KAT2A: variants seen among roughly 807,000 people sequenced by gnomAD.
KAT2A encodes the protein lysine acetyltransferase 2A, also known as histone acetyltransferase KAT2A.
Under a neutral mutation model 95.2 loss-of-function variants are expected in KAT2A, and 42 were observed. The observed-to-expected ratio is 0.44, with a 90% CI of 0.34 to 0.57. The LOEUF (loss-of-function observed/expected upper bound fraction) is 0.57, where lower values mean the gene tolerates loss of function less well. KAT2A is among the 20% of genes least tolerant of loss of function. The pLI, the probability that KAT2A is intolerant of heterozygous loss-of-function variation, is 0.01. For missense variants in KAT2A, 784 were observed against 1,126.3 expected (o/e 0.70, Z 4.35); for synonymous variants, 449 against 448.2 (o/e 1.00, Z -0.02).
Position 42,119,198 on chromosome 17 carries a change from G to A in KAT2A, c.1073+47C>T. The stretch of plus-strand genomic sequence containing the variant: ...CCTGGAAAAAAGGGGACAACAGGGA[G>A]GATGTGAACTTGGGGCCAAATCCTG... On this transcript the variant is annotated intron_variant, in intron 6 of 17. Transcript: ENST00000225916. This position sits in a 1 kb window ranked among gnomAD's most constrained non-coding sequence, Gnocchi z 5.3. 2 of 1,559,860 alleles carry A rather than the reference G, an allele frequency of 1.3e-6. No individual in the cohort carries two copies. The highest frequency in any genetic ancestry group is 1.7e-6 in the Non-Finnish European group (2 of 1,149,158).
Position 42,113,542 on chromosome 17 carries a change from A to T in KAT2A, c.*107T>A. 9.3e-7 allele frequency: 1 copy of T among 1,071,672 alleles called. No individual in the cohort carries two copies. The highest frequency in any genetic ancestry group is 1.3e-6 in the Non-Finnish European group (1 of 741,236). 66.4% of individuals were successfully genotyped at this position (1,071,672 alleles called of 1,614,324 possible). ...TCGGGTCCGGAGGACCCTTGGCTGG[A>T]GTGTCTCAAGCTGAGTCGGGTCCGT... On this transcript the variant is annotated 3_prime_UTR_variant, in exon 18 of 18. Transcript: ENST00000225916.
Position 42,121,335 on chromosome 17 carries a change from G to C in KAT2A, c.-31C>G. The stretch of plus-strand genomic sequence containing the variant: ...CCCCCGCAGCGGAGAGCGGCGCCGC[G>C]CTCCCAGCCCTAGGGCCGCATGGGC... On this transcript the variant is annotated 5_prime_UTR_variant, in exon 1 of 18. Transcript: ENST00000225916. The C allele has an allele frequency of 5.1e-6, 7 of 1,364,792 alleles. No individual in the cohort carries two copies. The highest frequency in any genetic ancestry group is 6.6e-6 in the Non-Finnish European group (7 of 1,066,226). The allele number at this position is 1,364,792 out of a possible 1,614,324, so 84.5% of individuals were successfully genotyped here.
chr17:42,113,629 G>C lies in KAT2A; in HGVS notation c.*20C>G, dbSNP rs1555665105. On this transcript the variant is annotated 3_prime_UTR_variant, in exon 18 of 18. Coordinates refer to ENST00000225916, the MANE Select transcript of KAT2A (RefSeq NM_021078.3). ...CGAGGTGGAGACATTCCAGGTCAGG[G>C]CTGCGGCCCAAAGATGGGCCTACTT... 85 of 1,598,812 alleles carry C rather than the reference G, an allele frequency of 5.3e-5. No homozygotes were observed. Among genetic ancestry groups the C allele is most frequent in the Non-Finnish European group, 7.1e-5 (84 of 1,175,098 alleles).
rs1555666409 is a variant in KAT2A, at chr17:42,117,961, C to G, written c.1237G>C (p.Gly413Arg). 1.2e-6 allele frequency: 2 copies of G among 1,608,734 alleles called. No individual in the cohort carries two copies. The highest frequency in any genetic ancestry group is 1.7e-6 in the Non-Finnish European group (2 of 1,176,434). Reference protein sequence around the residue: ...STPIFSPSMGGGSNSSLSLDS... With the variant: ...STPIFSPSMGRGSNSSLSLDS... The stretch of plus-strand genomic sequence containing the variant: ...AGACTCAGGGAGCTGTTGCTGCCCC[C>G]ACCCATGCTGGGGCTGAAGATGGGG... Residue 413 changes from glycine (G) to arginine (R), a missense_variant, in exon 8 of 18, where the codon GGG becomes CGG. Around this residue, in one of 6 missense-constraint regions of KAT2A, gnomAD observed 63 missense variants for 70.1 expected, o/e 0.90. Transcript: ENST00000225916. This position sits in a 1 kb window ranked among gnomAD's most constrained non-coding sequence, Gnocchi z 8.9.
intron 7 of KAT2A, 25 bp downstream of exon 7, chr17:42,118,272 C>T (rs1749348406): frequency 6.5e-7 from 1 of 1,541,092 alleles, no homozygotes. Context: ...GCCAGACACC[C>T]TACAGAGCGT....
rs782063917 is a variant in KAT2A at position 42,117,527 on chromosome 17, C to T, written c.1498G>A (p.Glu500Lys). ...ARLEERRGIIEFHVIGNSLTP... is the reference protein window; with the variant it reads ...ARLEERRGIIKFHVIGNSLTP... ...AGTGAGTTGCCGATGACATGGAACT[C>T]GATGATGCCGCGGCGCTCCTCCAGG... Residue 500 changes from glutamate to lysine, a missense_variant, in exon 10 of 18, where the codon GAG (glutamate) becomes AAG (lysine). Physicochemically the swap from Glu to Lys is moderately conservative, Grantham distance 56. Coordinates refer to ENST00000225916, the MANE Select transcript of KAT2A (RefSeq NM_021078.3). The surrounding 1 kb of genome is among the most constrained non-coding windows in gnomAD (Gnocchi z 8.9). 3.1e-6 allele frequency: 5 copies of T among 1,613,412 alleles called. No homozygotes were observed. Among genetic ancestry groups the T allele is most frequent in the South Asian group, 2.2e-5 (2 of 91,086 alleles).
chr17:42,114,623 TGA>T lies in KAT2A; in HGVS notation c.2020-21_2020-20del. 1 of 1,601,928 alleles carries T rather than the reference TGA, an allele frequency of 6.2e-7. No homozygotes were observed. Among genetic ancestry groups the T allele is most frequent in the Non-Finnish European group, 8.5e-7 (1 of 1,171,280 alleles). On this transcript the variant is annotated intron_variant, in intron 13 of 17. Transcript: ENST00000225916. This position sits in a 1 kb window ranked among gnomAD's most constrained non-coding sequence, Gnocchi z 6.0. The stretch of plus-strand genomic sequence containing the variant: ...TGATGATCTGAGGGAAGGAAGGGAC[TGA>T]GGGGCCAACTCCAGCCCCAACAACA...
At position 42,117,644 on chromosome 17, in the gene KAT2A, G is replaced by T; in HGVS notation, c.1428+34C>A. 1 of 1,605,882 alleles carries T rather than the reference G, an allele frequency of 6.2e-7. No homozygotes were observed. The highest frequency in any genetic ancestry group is 8.5e-7 in the Non-Finnish European group (1 of 1,174,778). On this transcript the variant is annotated intron_variant, in intron 9 of 17. Coordinates refer to ENST00000225916, the MANE Select transcript of KAT2A (RefSeq NM_021078.3). The surrounding 1 kb of genome is among the most constrained non-coding windows in gnomAD (Gnocchi z 8.9). ...GAGCCGGGGTCTCAGGTTGGTGGGG[G>T]TCCCCCAACTGGTCAGCAGGTCGGG... is the stretch of plus-strand genomic sequence containing the variant.
In KAT2A at chr17:42,116,959, C is replaced by T. The variant is rs2054267317; in HGVS notation, c.1764+76G>A. The T allele has an allele frequency of 4.5e-6, 7 of 1,562,196 alleles. No homozygotes were observed. In the East Asian group the frequency reaches 1.6e-4, roughly 35 times the overall value. ...GAGCAACGGGCTGCTGCATGCCACA[C>T]ATCCTGCTGCTCCGAACTGGCCCAA... On this transcript the variant is annotated intron_variant, in intron 11 of 17. Transcript: ENST00000225916.
chr17:42,118,447 G>C, intron 6 of KAT2A, 44 bp from the exon 7 acceptor site: 6 of 1,382,044 alleles, frequency 4.3e-6, no homozygotes, highest in Non-Finnish European at 5.2e-6. Flanking sequence ...GTTCTCCAGG[G>C]TGCAGCCTGG....
chr17:42,114,415 G>A lies in KAT2A; in HGVS notation c.2135-21C>T, dbSNP rs1555665521. 1.5e-5 allele frequency: 24 copies of A among 1,613,962 alleles called. No individual in the cohort carries two copies. Among genetic ancestry groups the A allele is most frequent in the Non-Finnish European group, 1.9e-5 (23 of 1,179,906 alleles). The stretch of plus-strand genomic sequence containing the variant: ...CTCTCCTGCAAAGTGGGAAGTGGGA[G>A]AATGTCTCTAAGAATGCCAGTCCAC... On this transcript the variant is annotated intron_variant, in intron 14 of 17. Coordinates refer to ENST00000225916, the MANE Select transcript of KAT2A (RefSeq NM_021078.3). The surrounding 1 kb of genome is among the most constrained non-coding windows in gnomAD (Gnocchi z 6.0).
chr17:42,113,896 G>A (rs2054209408), intron 17 of KAT2A, 54 bp from the exon 18 acceptor site: 3 of 1,505,652 alleles, frequency 2.0e-6, no homozygotes, highest in East Asian at 2.4e-5. Context: ...CCACGGCAGG[G>A]CTGTCCACCA....
In KAT2A at chr17:42,119,868, C is replaced by T. The variant is rs890267628; in HGVS notation, c.700-150G>A. 48 of 966,224 alleles carry T rather than the reference C, an allele frequency of 5.0e-5. No individual in the cohort carries two copies. The highest frequency in any genetic ancestry group is 9.9e-5 in the Admixed American group (4 of 40,218). 59.9% of individuals were successfully genotyped at this position (966,224 alleles called of 1,614,324 possible). On this transcript the variant is annotated intron_variant, in intron 4 of 17. Coordinates refer to ENST00000225916, the MANE Select transcript of KAT2A (RefSeq NM_021078.3). This position sits in a 1 kb window ranked among gnomAD's most constrained non-coding sequence, Gnocchi z 5.3. ...TGCTCTCTATAGAAAAGCTCTGCCC[C>T]CTCCCTACCACCATGCCCACCCTGA...
Position 42,121,359 on chromosome 17 carries a change from G to A in KAT2A, c.-55C>T. On this transcript the variant is annotated 5_prime_UTR_variant, in exon 1 of 18. Transcript: ENST00000225916. Reference sequence around the variant, plus strand: ...CGCTCCCAGCCCTAGGGCCGCATGGGCAACCAGCGCTCAGTGCGCAGGCGT... The same window carrying A: ...CGCTCCCAGCCCTAGGGCCGCATGGACAACCAGCGCTCAGTGCGCAGGCGT... The A allele has an allele frequency of 2.2e-6, 3 of 1,347,050 alleles. No homozygotes were observed. The highest frequency in any genetic ancestry group is 1.5e-5 in the African/African-American group (1 of 65,340). 83.4% of individuals were successfully genotyped at this position (1,347,050 alleles called of 1,614,324 possible). A position where few individuals can be genotyped will look rare whatever the true frequency, so the allele number is the denominator to read the frequency against.
chr17:42,116,086 C>T (rs1801098745), intron 11 of KAT2A, among the ~76,000 whole-genome samples: 1 of 152,194 alleles, frequency 6.6e-6, no homozygotes, highest in Admixed American at 6.5e-5. Flanking sequence ...TCAAATTAAC[C>T]CCAGAGGCGA....
chr17:42,118,086 G>C (rs1398778577), intron 7 of KAT2A, 69 bp from the exon 8 acceptor site: 1 of 1,038,992 alleles, frequency 9.6e-7, no homozygotes, highest in Non-Finnish European at 1.4e-6. Flanking sequence ...AGTCAGGGAC[G>C]GGGGCTGAAG....
At chr17:42,116,908 G>A in intron 11 of KAT2A, 127 bp downstream of exon 11, 1 of 1,172,014 alleles carries the variant, frequency 8.5e-7, no homozygotes, top group Non-Finnish European at 1.2e-6. Flanking sequence ...GTGGGGATGT[G>A]AGGAACGGGC....
In KAT2A at chr17:42,118,226, T is replaced by A; in HGVS notation, c.1180+71A>T. 3 of 1,238,966 alleles carry A rather than the reference T, an allele frequency of 2.4e-6. No individual in the cohort carries two copies. In the South Asian group the frequency reaches 3.8e-5, roughly 16 times the overall value. 76.7% of individuals were successfully genotyped at this position (1,238,966 alleles called of 1,614,324 possible). On this transcript the variant is annotated intron_variant, in intron 7 of 17. Transcript: ENST00000225916. ...TCCAGGGCCTCCGGCCCAGGTGAGC[T>A]CTCTTCCACCCAGGAGGCTTAGCTC...
At position 42,118,022 on chromosome 17, in the gene KAT2A, G is replaced by GGA. The variant is rs140809269; in HGVS notation, c.1181-7_1181-6dup. On this transcript the variant is annotated splice_region_variant and splice_polypyrimidine_tract_variant and intron_variant, in intron 7 of 17. Transcript: ENST00000225916. ...CAACCGCTGCACTGACTGAAGCTGAGGAGAGAGAGAGACGTCAGGGATGGG... is the reference window on the plus strand; with the variant it reads ...CAACCGCTGCACTGACTGAAGCTGAGGAGAGAGAGAGAGACGTCAGGGATGGG... 0.16 allele frequency: 234,507 copies of GGA among 1,458,322 alleles called. 23,864 individuals carry two copies. Among genetic ancestry groups the GGA allele is most frequent in the African/African-American group, 0.55 (33,619 of 61,286 alleles). 90.3% of individuals were successfully genotyped at this position (1,458,322 alleles called of 1,614,324 possible). A position where few individuals can be genotyped will look rare whatever the true frequency, so the allele number is the denominator to read the frequency against.
Sources: gnomAD v4.1 joint callset for allele counts (sites outside exome capture counted in the v4.1 genomes callset) on GRCh38, gnomAD v4.1.1 for gene constraint, gnomAD v4.1.1 regional missense constraint, Gnocchi (gnomAD v3.1) non-coding constraint, MANE v1.5 for transcripts, NCBI Gene and HGNC (gene_info 2026-07-23, HGNC 2026-07-21) for gene names.